Variants in SGK1 observed in about 807,000 individuals in gnomAD.
SGK1 encodes serum/glucocorticoid regulated kinase 1.
In SGK1, 26 loss-of-function variants were observed where a neutral mutation model predicts 64.2. The observed-to-expected ratio is 0.40, with a 90% CI of 0.30 to 0.56. SGK1 has a LOEUF of 0.56. SGK1 is among the 20% of genes least tolerant of loss of function. The pLI, the probability that SGK1 is intolerant of heterozygous loss-of-function variation, is 0.38. For missense variants in SGK1, 519 were observed against 645.6 expected (o/e 0.80, Z 2.12); for synonymous variants, 265 against 239.7 (o/e 1.11, Z -0.98).
At chr6:134,175,040 G>A (rs1775182969) in intron 3 of SGK1, 4 of 731,558 alleles carry the variant, frequency 5.5e-6, no homozygotes, top group African/African-American at 1.9e-5. Flanking sequence ...TTGAGAGGGC[G>A]AGCCCCGGGC....
intron 1 of SGK1, among the ~76,000 whole-genome samples, chr6:134,265,004 GTTTAAGCAAT>G (rs1776828903): frequency 6.6e-6 from 1 of 152,102 alleles, no homozygotes; most frequent in Non-Finnish European, 1.5e-5. Flanking sequence ...TAGCAATAAT[GTTTAAGCAAT>G]TTATTATATT....
chr6:134,313,179 A>G (rs1777631448), intron 1 of SGK1, among the ~76,000 whole-genome samples: 1 of 152,254 alleles, frequency 6.6e-6, no homozygotes, highest in Non-Finnish European at 1.5e-5. Flanking sequence ...CTGTTATTAA[A>G]GAATAATGCA....
chr6:134,185,555 A>AGCGTGTGTGT (rs1554219334), intron 3 of SGK1, among the ~76,000 whole-genome samples: 1 of 145,314 alleles, frequency 6.9e-6, no homozygotes, highest in Non-Finnish European at 1.5e-5. Flanking sequence ...TATCTCTATG[A>AGCGTGTGTGT]GTGTGTGTGT....
intron 1 of SGK1, among the ~76,000 whole-genome samples, chr6:134,285,419 A>G (rs1777167768): frequency 6.6e-6 from 1 of 150,560 alleles, no homozygotes; most frequent in South Asian, 2.1e-4. Flanking sequence ...CAGAGGTTGC[A>G]GCGAGCTGAG....
intron 2 of SGK1, among the ~76,000 whole-genome samples, chr6:134,234,965 G>C (rs1033481262): frequency 2.0e-5 from 3 of 151,930 alleles, no homozygotes; most frequent in Admixed American, 1.3e-4. Flanking sequence ...TCAAGTATTG[G>C]AAAAAAAGAC....
At chr6:134,171,453 G>A in intron 11 of SGK1, 184 bp downstream of exon 11, 3 of 614,174 alleles carry the variant, frequency 4.9e-6, no homozygotes, top group Non-Finnish European at 8.6e-6. Flanking sequence ...CTAGTAAAAT[G>A]TGAAATGCAC....
intron 7 of SGK1, 25 bp from the exon 8 acceptor site, chr6:134,173,179 A>C (rs1368444237): frequency 6.2e-7 from 1 of 1,611,188 alleles, no homozygotes; most frequent in South Asian, 1.1e-5. Context: ...ATTCAGATTT[A>C]GTGGCATGTT....
intron 2 of SGK1, among the ~76,000 whole-genome samples, chr6:134,228,946 C>G (rs1032850775): frequency 1.3e-5 from 2 of 151,832 alleles, no homozygotes; most frequent in Non-Finnish European, 2.9e-5. Flanking sequence ...CGGGTTCACG[C>G]CATTCTCCTG....
chr6:134,218,259 G>A (rs759446646), intron 2 of SGK1, among the ~76,000 whole-genome samples: 57 of 152,126 alleles, frequency 3.7e-4, no homozygotes, highest in Middle Eastern at 3.4e-3. Context: ...GAACGGATAC[G>A]GGTTTCTTAA....
intron 2 of SGK1, among the ~76,000 whole-genome samples, chr6:134,253,105 T>C (rs1776628993): frequency 6.6e-6 from 1 of 152,126 alleles, no homozygotes; most frequent in Admixed American, 6.6e-5. Flanking sequence ...CTCAACAATT[T>C]TGAGAAGAAA....
At chr6:134,180,472 GT>G (rs1775314498) in intron 3 of SGK1, 1 of 152,168 alleles carries the variant, frequency 6.6e-6, no homozygotes, top group South Asian at 2.1e-4. Flanking sequence ...GGAAAATGGT[GT>G]CCACAGAACT....
At chr6:134,218,977 T>G (rs938018320) in intron 2 of SGK1, among the ~76,000 whole-genome samples, 4 of 151,874 alleles carry the variant, frequency 2.6e-5, no homozygotes, top group African/African-American at 7.3e-5. Context: ...AAATGGCTGT[T>G]TTTTTGTTTT....
chr6:134,202,939 A>G (rs1173065845), intron 3 of SGK1, among the ~76,000 whole-genome samples: 1 of 152,206 alleles, frequency 6.6e-6, no homozygotes, highest in East Asian at 1.9e-4. Context: ...ATGGTCTATG[A>G]AAATTTAAAG....
At chr6:134,177,635 T>G (rs369051173) in intron 3 of SGK1, 88 of 1,601,308 alleles carry the variant, frequency 5.5e-5, no homozygotes, top group Non-Finnish European at 6.8e-5. Context: ...TTGAGGCATC[T>G]GCAAAATATA....
intron 3 of SGK1, among the ~76,000 whole-genome samples, chr6:134,206,359 ATATATATATATATATATATATATATTTT>A (rs1775774006): frequency 8.2e-5 from 2 of 24,532 alleles, no homozygotes; most frequent in Admixed American, 5.3e-4. Context: ...ATATATATAT[ATATATATATATATATATATATATATTTT>A]TTTTTTTTTT....
chr6:134,296,177 A>C (rs1426286549), intron 1 of SGK1, among the ~76,000 whole-genome samples: 1 of 152,178 alleles, frequency 6.6e-6, no homozygotes, highest in Non-Finnish European at 1.5e-5. Context: ...CAGTATCCTC[A>C]CTGGCAAAGC....
At chr6:134,205,176 GTTCCTT>G (rs1775750273) in intron 3 of SGK1, among the ~76,000 whole-genome samples, 1 of 152,058 alleles carries the variant, frequency 6.6e-6, no homozygotes, top group Admixed American at 6.6e-5. Flanking sequence ...AATCATTTAT[GTTCCTT>G]TGGTAATGTT....
At chr6:134,281,385 T>A (rs560162935) in intron 1 of SGK1, among the ~76,000 whole-genome samples, 9 of 152,236 alleles carry the variant, frequency 5.9e-5, no homozygotes, top group African/African-American at 2.2e-4. Flanking sequence ...GTGGTAAGGA[T>A]GAGTAGGTGG....
At chr6:134,265,425 A>C (rs984764820) in intron 1 of SGK1, among the ~76,000 whole-genome samples, 1 of 151,530 alleles carries the variant, frequency 6.6e-6, no homozygotes, top group Non-Finnish European at 1.5e-5. Flanking sequence ...ATGCCATTGC[A>C]CTCCAGCCTG....
Sources: gnomAD v4.1 joint callset for allele counts (sites outside exome capture counted in the v4.1 genomes callset) on GRCh38, gnomAD v4.1.1 for gene constraint, MANE v1.5 for transcripts, NCBI Gene and HGNC (gene_info 2026-07-23, HGNC 2026-07-21) for gene names.